The following THAP8 variants were observed in gnomAD, a reference collection of about 807,000 sequenced individuals.
THAP8 encodes THAP domain containing 8, also known as THAP domain-containing protein 8.
THAP8 carries 24 observed loss-of-function variants against 25.0 expected under a neutral mutation model. The observed-to-expected ratio is 0.96, with a 90% CI of 0.69 to 1.35. The LOEUF (loss-of-function observed/expected upper bound fraction) is 1.35. Ranked by LOEUF, THAP8 falls within the 40% of genes most tolerant of loss-of-function variation. The pLI, the probability that THAP8 is intolerant of heterozygous loss-of-function variation, is 0.00. For synonymous variants in THAP8, 169 were observed against 157.6 expected, an observed-to-expected ratio of 1.07 and a Z score of -0.54; for missense variants, 399 against 368.8, an observed-to-expected ratio of 1.08 and a Z score of -0.67.
chr19:36,037,324 C>T (rs1358605151), intron 3 of THAP8, among the ~76,000 whole-genome samples: 1 of 134,886 alleles, frequency 7.4e-6, no homozygotes, highest in Non-Finnish European at 1.6e-5. Context: ...ACACAAACAC[C>T]TTCCTCAAAT....
At chr19:36,049,765 G>A (rs1035346149) in intron 1 of THAP8, among the ~76,000 whole-genome samples, 1 of 152,138 alleles carries the variant, frequency 6.6e-6, no homozygotes, top group African/African-American at 2.4e-5. Context: ...GGTAAGAGTG[G>A]AAACGGGCCA....
intron 1 of THAP8, among the ~76,000 whole-genome samples, chr19:36,047,481 TGGATGGAAGCCACAGGCCAA>T (rs997416467): frequency 1.3e-5 from 2 of 152,114 alleles, no homozygotes; most frequent in African/African-American, 2.4e-5. Context: ...GCAGCCACCT[TGGATGGAAGCCACAGGCCAA>T]GGATGGAAGC....
intron 3 of THAP8, among the ~76,000 whole-genome samples, chr19:36,035,994 G>C (rs1003985436): frequency 1.3e-5 from 2 of 152,022 alleles, no homozygotes; most frequent in Admixed American, 6.6e-5. Flanking sequence ...GGAGGGAGGA[G>C]ATTGGGAGGT....
chr19:36,045,749 G>A (rs1181991157), intron 1 of THAP8: 3 of 456,476 alleles, frequency 6.6e-6, no homozygotes, highest in East Asian at 6.9e-5. Flanking sequence ...GCAGAGACTG[G>A]AGAGATGTGG....
intron 1 of THAP8, among the ~76,000 whole-genome samples, chr19:36,051,862 G>T (rs906523560): frequency 6.6e-6 from 1 of 152,072 alleles, no homozygotes; most frequent in East Asian, 1.9e-4. Flanking sequence ...GCAGGTGAGC[G>T]AGTGAGAGAA....
chr19:36,036,960 A>T (rs1008145266), intron 3 of THAP8, among the ~76,000 whole-genome samples: 2 of 148,618 alleles, frequency 1.3e-5, no homozygotes, highest in Admixed American at 6.8e-5. Flanking sequence ...AAAAAAAAAA[A>T]TCGGATACTC....
chr19:36,035,569 A>G lies in THAP8; in HGVS notation c.696T>C (p.Pro232=), dbSNP rs376332851. Residue 232 remains proline (P), a synonymous_variant, in exon 4 of 4, where the codon CCT becomes CCC. Transcript: ENST00000292894. ...TGATGGTGAAGGTTTGGGATTCCTC[A>G]GGTCCAAGGGTCTGGGCTGTTGTCT... ...QRLTTAQTLG[P]EESQTFTIIC... 15 of 1,614,118 alleles carry G rather than the reference A, an allele frequency of 9.3e-6. No individual in the cohort carries two copies. In the African/African-American group the frequency reaches 1.1e-4, roughly 11 times the overall value.
chr19:36,038,469 T>C (rs1599714782), intron 3 of THAP8, among the ~76,000 whole-genome samples: 1 of 152,104 alleles, frequency 6.6e-6, no homozygotes, highest in Non-Finnish European at 1.5e-5. Context: ...TCCAGGCTGG[T>C]CTTGAACTCC....
intron 1 of THAP8, among the ~76,000 whole-genome samples, chr19:36,051,926 C>T (rs1016783925): frequency 2.0e-5 from 3 of 152,290 alleles, no homozygotes. Flanking sequence ...ACCTGAGTTC[C>T]GCCTCCTGTC....
intron 3 of THAP8, among the ~76,000 whole-genome samples, chr19:36,035,913 AAG>A (rs1969424409): frequency 6.8e-6 from 1 of 148,018 alleles, no homozygotes; most frequent in Non-Finnish European, 1.5e-5. Context: ...TATGCAGATA[AAG>A]AGAGACACAG....
intron 1 of THAP8, among the ~76,000 whole-genome samples, chr19:36,043,447 G>C (rs978329733): frequency 6.6e-6 from 1 of 152,058 alleles, no homozygotes; most frequent in African/African-American, 2.4e-5. Flanking sequence ...TTTTAGGAGA[G>C]GAAAAAGTTC....
At chr19:36,052,980 T>C (rs182377335) in intron 1 of THAP8, among the ~76,000 whole-genome samples, 2 of 152,244 alleles carry the variant, frequency 1.3e-5, no homozygotes, top group East Asian at 3.9e-4. Flanking sequence ...CCAAGCACTT[T>C]GGGAGGCCGA....
intron 1 of THAP8, among the ~76,000 whole-genome samples, chr19:36,043,347 A>G (rs1417911936): frequency 6.6e-6 from 1 of 152,212 alleles, no homozygotes; most frequent in African/African-American, 2.4e-5. Context: ...GAGGTAGAAC[A>G]GTCAAATTCC....
chr19:36,052,754 G>A (rs1970091006), intron 1 of THAP8, among the ~76,000 whole-genome samples: 1 of 152,182 alleles, frequency 6.6e-6, no homozygotes, highest in African/African-American at 2.4e-5. Context: ...GTGTCAAAGT[G>A]ACTTAGCTCC....
At chr19:36,041,852 A>G (rs4806254) in intron 1 of THAP8, among the ~76,000 whole-genome samples, 113,913 of 152,006 alleles carry the variant, frequency 0.75, 43,000 homozygotes, top group African/African-American at 0.82. Context: ...AGGCTGAGGC[A>G]GGAGGATCTC....
chr19:36,050,302 G>A (rs778086570), intron 1 of THAP8, among the ~76,000 whole-genome samples: 5 of 151,916 alleles, frequency 3.3e-5, no homozygotes, highest in African/African-American at 4.8e-5. Context: ...GTACCACCAC[G>A]TCCAGCTAAT....
chr19:36,053,281 T>G lies in THAP8; in HGVS notation c.83+854A>C, dbSNP rs529659064. ...CGGGGTTTCACCATGTTGGCCAGGCTGGTCTCGAACTCCTGACCTCAGGTG... is the reference window on the plus strand; with the variant it reads ...CGGGGTTTCACCATGTTGGCCAGGCGGGTCTCGAACTCCTGACCTCAGGTG... On this transcript the variant is annotated intron_variant, in intron 1 of 3. Coordinates refer to ENST00000292894, the MANE Select transcript of THAP8 (RefSeq NM_152658.3). 6.5e-4 allele frequency among the ~76,000 whole-genome samples: 91 copies of G among 139,502 alleles called. 2 individuals carry two copies. In the South Asian group the frequency reaches 0.02, roughly 31 times the overall value. 91.5% of individuals were successfully genotyped at this position (139,502 alleles called of 152,430 possible). A position where few individuals can be genotyped will look rare whatever the true frequency, so the allele number is the denominator to read the frequency against.
rs1197379685 is a variant in THAP8 at position 36,035,158 on chromosome 19, A to G, written c.*282T>C. ...AGAACCAGGTATGATTCTCCCAAACAACCCTTGCTCTGCTCTGAGGCTGTC... is the reference window on the plus strand; with the variant it reads ...AGAACCAGGTATGATTCTCCCAAACGACCCTTGCTCTGCTCTGAGGCTGTC... On this transcript the variant is annotated 3_prime_UTR_variant, in exon 4 of 4. Transcript: ENST00000292894. 2 of 328,150 alleles carry G rather than the reference A, an allele frequency of 6.1e-6. No homozygotes were observed. Among genetic ancestry groups the G allele is most frequent in the Non-Finnish European group, 1.1e-5 (2 of 179,994 alleles). The allele number at this position is 328,150 out of a possible 1,614,324, so 20.3% of individuals were successfully genotyped here.
At chr19:36,042,020 C>A (rs550707397) in intron 1 of THAP8, among the ~76,000 whole-genome samples, 2 of 151,136 alleles carry the variant, frequency 1.3e-5, no homozygotes, top group African/African-American at 4.9e-5. Flanking sequence ...GGAATTTGAA[C>A]GCTGCAGTGA....
Sources: allele counts gnomAD v4.1 joint callset (sites outside exome capture counted in the v4.1 genomes callset), GRCh38; gene constraint gnomAD v4.1.1; transcripts MANE v1.5; gene names NCBI Gene and HGNC (gene_info 2026-07-23, HGNC 2026-07-21).